Variants in VAV2 observed in about 807,000 individuals in gnomAD.
VAV2 encodes the protein guanine nucleotide exchange factor VAV2.
A neutral mutation model predicts 132.5 loss-of-function variants in VAV2; 67 were observed. That is an observed-to-expected ratio of 0.51 (90% CI 0.42 to 0.62). The LOEUF (loss-of-function observed/expected upper bound fraction) is 0.62, where lower values mean the gene tolerates loss of function less well. Ranked by LOEUF, VAV2 falls within the 20% of genes least tolerant of loss-of-function variation. VAV2 has a pLI of 0.00. For missense variants in VAV2, 938 were observed against 1,153.6 expected (o/e 0.81, Z 2.71); for synonymous variants, 492 against 443.5 (o/e 1.11, Z -1.37).
At chr9:133,846,419 C>T (rs2131825109) in intron 3 of VAV2, among the ~76,000 whole-genome samples, 1 of 152,354 alleles carries the variant, frequency 6.6e-6, no homozygotes, top group Admixed American at 6.5e-5. Flanking sequence ...CCTCGGTGGC[C>T]CTGGCCTCCA....
Position 133,788,307 on chromosome 9 carries a change from G to C in VAV2, c.1407+47C>G, listed in dbSNP as rs766503264. ...TCTGGAACCCAGTGCCTCTCTCCAGGCCACCCCCACGTTCCTGGGTAGCAG... is the reference window on the plus strand; with the variant it reads ...TCTGGAACCCAGTGCCTCTCTCCAGCCCACCCCCACGTTCCTGGGTAGCAG... On this transcript the variant is annotated intron_variant, in intron 15 of 29. Coordinates refer to ENST00000371850, the MANE Select transcript of VAV2 (RefSeq NM_001134398.2). The surrounding 1 kb of genome is among the most constrained non-coding windows in gnomAD (Gnocchi z 5.3). The C allele has an allele frequency of 1.3e-6, 2 of 1,542,432 alleles. No homozygotes were observed. The highest frequency in any genetic ancestry group is 2.5e-5 in the East Asian group (1 of 40,696).
chr9:133,946,185 C>T (rs144077780), intron 1 of VAV2, among the ~76,000 whole-genome samples: 2 of 152,226 alleles, frequency 1.3e-5, no homozygotes, highest in Non-Finnish European at 1.5e-5. Flanking sequence ...TAGCCCGCCA[C>T]CCCGCTGGCC....
chr9:133,841,539 GGAGT>G (rs1282824004), intron 3 of VAV2, among the ~76,000 whole-genome samples: 2 of 152,114 alleles, frequency 1.3e-5, no homozygotes, highest in African/African-American at 4.8e-5. Context: ...AGCTCGTCCT[GGAGT>G]GAGTGTCCAC....
chr9:133,903,279 G>A (rs1839515485), intron 2 of VAV2, among the ~76,000 whole-genome samples: 3 of 152,020 alleles, frequency 2.0e-5, no homozygotes, highest in Admixed American at 6.6e-5. Context: ...AGTACATTTC[G>A]GTGGTTTCAC....
chr9:133,989,485 A>G (rs1588236314), intron 1 of VAV2, among the ~76,000 whole-genome samples: 1 of 147,750 alleles, frequency 6.8e-6, no homozygotes, highest in African/African-American at 2.5e-5. Context: ...GTGCCACCGC[A>G]CTCCAGCCTG....
At chr9:133,907,148 C>T (rs1435227367) in intron 2 of VAV2, among the ~76,000 whole-genome samples, 2 of 152,226 alleles carry the variant, frequency 1.3e-5, no homozygotes, top group South Asian at 2.1e-4. Flanking sequence ...AGAGCAGTGA[C>T]GACAGGGAGA....
chr9:133,874,682 G>A (rs1367903206), intron 2 of VAV2, among the ~76,000 whole-genome samples: 2 of 152,086 alleles, frequency 1.3e-5, no homozygotes, highest in African/African-American at 4.8e-5. Flanking sequence ...CAGATGTCTT[G>A]CCCCCTCCAA....
At position 133,834,433 on chromosome 9, in the gene VAV2, C is replaced by T; in HGVS notation, c.381-93G>A. 2 of 1,341,216 alleles carry T rather than the reference C, an allele frequency of 1.5e-6. No homozygotes were observed. Among genetic ancestry groups the T allele is most frequent in the East Asian group, 2.5e-5 (1 of 40,624 alleles). The allele number at this position is 1,341,216 out of a possible 1,614,324, so 83.1% of individuals were successfully genotyped here. A position where few individuals can be genotyped will look rare whatever the true frequency, so the allele number is the denominator to read the frequency against. On this transcript the variant is annotated intron_variant, in intron 3 of 29. Coordinates refer to ENST00000371850, the MANE Select transcript of VAV2 (RefSeq NM_001134398.2). The surrounding 1 kb of genome is among the most constrained non-coding windows in gnomAD (Gnocchi z 5.9). ...GACCCCACAGCAGAGCCCAGTGTGG[C>T]CCAGCCAGGAGCAAAGGGGCTCTTG...
In VAV2 at chr9:133,879,053, C is replaced by T. The variant is rs1019158395; in HGVS notation, c.322-17621G>A. Reference sequence around the variant, plus strand: ...ATCCCCCCGTTCCCCAGGCATCATCCGCCCCCATCCCAGGCATCCTGTGAC... The same window carrying T: ...ATCCCCCCGTTCCCCAGGCATCATCTGCCCCCATCCCAGGCATCCTGTGAC... On this transcript the variant is annotated intron_variant, in intron 2 of 29. Coordinates refer to ENST00000371850, the MANE Select transcript of VAV2 (RefSeq NM_001134398.2). This position sits in a 1 kb window ranked among gnomAD's most constrained non-coding sequence, Gnocchi z 4.4. Among the ~76,000 whole-genome samples, 2 of 152,180 alleles carry T rather than the reference C, an allele frequency of 1.3e-5. No individual in the cohort carries two copies. The highest frequency in any genetic ancestry group is 4.8e-5 in the African/African-American group (2 of 41,434).
Position 133,918,398 on chromosome 9 carries a change from T to TACC in VAV2, c.321+20702_321+20704dup, listed in dbSNP as rs1333969172. ...CCCAGGCCCAGCTGCTAGCCCGGGCTACCACCACCACCAGGAAACACTCAG... is the reference window on the plus strand; with the variant it reads ...CCCAGGCCCAGCTGCTAGCCCGGGCTACCACCACCACCACCAGGAAACACTCAG... On this transcript the variant is annotated intron_variant, in intron 2 of 29. Coordinates refer to ENST00000371850, the MANE Select transcript of VAV2 (RefSeq NM_001134398.2). The surrounding 1 kb of genome is among the most constrained non-coding windows in gnomAD (Gnocchi z 4.7). Among the ~76,000 whole-genome samples, 1 of 150,950 alleles carries TACC rather than the reference T, an allele frequency of 6.6e-6. No individual in the cohort carries two copies. Among genetic ancestry groups the TACC allele is most frequent in the Non-Finnish European group, 1.5e-5 (1 of 67,892 alleles).
chr9:133,815,886 G>C (rs544699958), intron 4 of VAV2, among the ~76,000 whole-genome samples: 81 of 152,300 alleles, frequency 5.3e-4, no homozygotes, highest in African/African-American at 1.9e-3. Flanking sequence ...TCAAAGGGGA[G>C]GTCTAGACTC....
At chr9:133,865,098 G>C (rs1367398599) in intron 2 of VAV2, among the ~76,000 whole-genome samples, 3 of 152,180 alleles carry the variant, frequency 2.0e-5, no homozygotes, top group Non-Finnish European at 4.4e-5. Flanking sequence ...CACGTGATGG[G>C]TCCTTCCGCA....
rs563206808 is a variant in VAV2 at position 133,823,318 on chromosome 9, G to C, written c.449+10954C>G. Among the ~76,000 whole-genome samples the C allele has an allele frequency of 6.6e-6, 1 of 152,336 alleles. No homozygotes were observed. Among genetic ancestry groups the C allele is most frequent in the Non-Finnish European group, 1.5e-5 (1 of 68,022 alleles). On this transcript the variant is annotated intron_variant, in intron 4 of 29. Transcript: ENST00000371850. The surrounding 1 kb of genome is among the most constrained non-coding windows in gnomAD (Gnocchi z 5.5). ...TCCTTTCTAAGCATCTGGTGAAGGT[G>C]AACTTCAATTCAGCCTGGTAGGGTT...
At chr9:133,931,130 G>T (rs558244861) in intron 2 of VAV2, among the ~76,000 whole-genome samples, 2 of 152,326 alleles carry the variant, frequency 1.3e-5, no homozygotes, top group African/African-American at 4.8e-5. Context: ...TGGGACACCA[G>T]AGAAGCAGCA....
intron 17 of VAV2, among the ~76,000 whole-genome samples, chr9:133,785,090 G>C (rs1034382068): frequency 2.6e-5 from 4 of 152,092 alleles, no homozygotes; most frequent in Admixed American, 2.0e-4. Context: ...CTATTCTCAC[G>C]AGCCAGGCCC....
At chr9:133,937,895 G>C (rs982390897) in intron 2 of VAV2, among the ~76,000 whole-genome samples, 2 of 152,214 alleles carry the variant, frequency 1.3e-5, no homozygotes, top group Non-Finnish European at 2.9e-5. Flanking sequence ...TGATTACACA[G>C]AGATGGGCTC....
At chr9:133,871,462 A>AT (rs1299691163) in intron 2 of VAV2, among the ~76,000 whole-genome samples, 2 of 135,324 alleles carry the variant, frequency 1.5e-5, no homozygotes, top group African/African-American at 5.7e-5. Context: ...GGATGGATGG[A>AT]GAAGCGGATG....
rs75662662 is a variant in VAV2, at chr9:133,961,481, G to C, written c.205-22262C>G. Among the ~76,000 whole-genome samples, 2,010 of 152,238 alleles carry C rather than the reference G, an allele frequency of 0.013. 44 individuals are homozygous for C. The highest frequency in any genetic ancestry group is 0.045 in the African/African-American group (1,880 of 41,528). On this transcript the variant is annotated intron_variant, in intron 1 of 29. Transcript: ENST00000371850. The surrounding 1 kb of genome is among the most constrained non-coding windows in gnomAD (Gnocchi z 4.1). The stretch of plus-strand genomic sequence containing the variant: ...TGGAATCCCCTTCTCCAACCCAGTC[G>C]GGTTTCAGTGACCCAAGGTCAGAGG...
In VAV2 at chr9:133,919,706, A is replaced by G. The variant is rs571983938; in HGVS notation, c.321+19397T>C. ...GAGGAATGTAAGCCGGAAACAGCGC[A>G]GAGAGTGGGGCCAGATGGACGTGGC... On this transcript the variant is annotated intron_variant, in intron 2 of 29. Coordinates refer to ENST00000371850, the MANE Select transcript of VAV2 (RefSeq NM_001134398.2). This position sits in a 1 kb window ranked among gnomAD's most constrained non-coding sequence, Gnocchi z 5.8. Among the ~76,000 whole-genome samples, 3 of 152,318 alleles carry G rather than the reference A, an allele frequency of 2.0e-5. No individual in the cohort carries two copies. The South Asian group carries it at 6.2e-4, about 32-fold the overall frequency.
Sources: allele counts gnomAD v4.1 joint callset (sites outside exome capture counted in the v4.1 genomes callset), GRCh38; gene constraint gnomAD v4.1.1; non-coding constraint Gnocchi (gnomAD v3.1); transcripts MANE v1.5; gene names NCBI Gene and HGNC (gene_info 2026-07-23, HGNC 2026-07-21).